Variants in NAALADL2 observed in about 807,000 individuals in gnomAD.
The protein encoded by NAALADL2 is inactive N-acetylated-alpha-linked acidic dipeptidase-like protein 2.
A neutral mutation model predicts 87.2 loss-of-function variants in NAALADL2; 76 were observed. That is an observed-to-expected ratio of 0.87 (90% CI 0.72 to 1.05). NAALADL2 has a LOEUF of 1.05. NAALADL2 is among the 50% of genes least tolerant of loss of function. NAALADL2 has a pLI of 0.00. For missense variants in NAALADL2, 1,089 were observed against 945.8 expected (o/e 1.15, Z -1.99); for synonymous variants, 354 against 331.0 (o/e 1.07, Z -0.75).
intron 3 of NAALADL2, among the ~76,000 whole-genome samples, chr3:175,241,888 A>C (rs1305455527): frequency 2.5e-5 from 1 of 40,260 alleles, no homozygotes; most frequent in African/African-American, 1.2e-4. Context: ...CTTGAGACAG[A>C]GTCTCACTCT....
intron 1 of NAALADL2, among the ~76,000 whole-genome samples, chr3:174,983,719 C>G (rs1173155337): frequency 2.6e-5 from 4 of 152,070 alleles, no homozygotes; most frequent in African/African-American, 7.2e-5. Context: ...GGCCCCGACT[C>G]CTAATACCAT....
intron 2 of NAALADL2, among the ~76,000 whole-genome samples, chr3:174,614,084 G>T (rs773764592): frequency 1.1e-4 from 16 of 152,170 alleles, no homozygotes; most frequent in African/African-American, 3.6e-4. Flanking sequence ...CTTCACTTTC[G>T]CTTTCCTCTC....
At chr3:175,217,309 G>A (rs1303466079) in intron 2 of NAALADL2, among the ~76,000 whole-genome samples, 1 of 152,168 alleles carries the variant, frequency 6.6e-6, no homozygotes, top group Non-Finnish European at 1.5e-5. Context: ...GCAACAGCAT[G>A]CGTTCATTTC....
At chr3:174,921,799 C>T (rs141761882) in intron 1 of NAALADL2, among the ~76,000 whole-genome samples, 2,061 of 116,072 alleles carry the variant, frequency 0.018, 75 homozygotes, top group African/African-American at 0.071. Context: ...AGCAAGACTC[C>T]GTCTCAAAAA....
chr3:174,736,999 G>A (rs1394793592), intron 2 of NAALADL2, among the ~76,000 whole-genome samples: 1 of 152,188 alleles, frequency 6.6e-6, no homozygotes, highest in East Asian at 1.9e-4. Context: ...GTTCAACTTT[G>A]CCCCATGATC....
intron 1 of NAALADL2, among the ~76,000 whole-genome samples, chr3:175,068,305 G>A (rs759557964): frequency 6.6e-6 from 1 of 151,946 alleles, no homozygotes; most frequent in Non-Finnish European, 1.5e-5. Flanking sequence ...ACTCCTCACA[G>A]GAATGGATGA....
chr3:175,050,919 T>G (rs1755300855), intron 1 of NAALADL2, among the ~76,000 whole-genome samples: 3 of 152,148 alleles, frequency 2.0e-5, no homozygotes, highest in Admixed American at 6.6e-5. Flanking sequence ...TAGGGTTGTT[T>G]TACTTGAAGA....
intron 9 of NAALADL2, among the ~76,000 whole-genome samples, chr3:175,512,376 C>G (rs1731282605): frequency 6.6e-6 from 1 of 152,030 alleles, no homozygotes; most frequent in Admixed American, 6.6e-5. Context: ...ATGATATCAC[C>G]AATTTAATAA....
At chr3:175,376,465 C>T (rs986233490) in intron 5 of NAALADL2, among the ~76,000 whole-genome samples, 3 of 151,890 alleles carry the variant, frequency 2.0e-5, no homozygotes, top group Non-Finnish European at 2.9e-5. Context: ...TTGTGGATTA[C>T]ATTGTTTCTG....
chr3:175,429,273 T>C (rs1351148049), intron 5 of NAALADL2, among the ~76,000 whole-genome samples: 1 of 151,784 alleles, frequency 6.6e-6, no homozygotes, highest in Non-Finnish European at 1.5e-5. Context: ...ATTTTTCAGA[T>C]ACGCCCTGGG....
At chr3:174,915,463 T>C (rs1734242444) in intron 1 of NAALADL2, among the ~76,000 whole-genome samples, 1 of 152,146 alleles carries the variant, frequency 6.6e-6, no homozygotes, top group Non-Finnish European at 1.5e-5. Flanking sequence ...GACAACTTCA[T>C]AGAACTATTA....
chr3:174,863,692 T>C (rs113924082), intron 1 of NAALADL2: 70 of 175,790 alleles, frequency 4.0e-4, no homozygotes, highest in African/African-American at 1.6e-3. Flanking sequence ...GTGTGCATGC[T>C]TACTTTCTGT....
At chr3:175,046,971 T>C (rs1754760411) in intron 1 of NAALADL2, among the ~76,000 whole-genome samples, 1 of 152,140 alleles carries the variant, frequency 6.6e-6, no homozygotes. Flanking sequence ...TGCCAGAAGA[T>C]TCAGTGTCTG....
chr3:174,632,296 T>C (rs1350678569), intron 2 of NAALADL2, among the ~76,000 whole-genome samples: 1 of 152,186 alleles, frequency 6.6e-6, no homozygotes, highest in Non-Finnish European at 1.5e-5. Context: ...TTGACCGTGC[T>C]CTATCCAGGC....
chr3:175,691,721 A>C (rs1225810074), intron 11 of NAALADL2, among the ~76,000 whole-genome samples: 1 of 152,104 alleles, frequency 6.6e-6, no homozygotes, highest in African/African-American at 2.4e-5. Context: ...TTAAAAATGG[A>C]ACTGCTTGTT....
At chr3:175,459,561 G>GA (rs1274738596) in intron 6 of NAALADL2, among the ~76,000 whole-genome samples, 34 of 149,492 alleles carry the variant, frequency 2.3e-4, no homozygotes, top group Admixed American at 4.0e-4. Context: ...AGAAAAAAAG[G>GA]AAAAAAAAAC....
intron 10 of NAALADL2, among the ~76,000 whole-genome samples, chr3:175,623,554 G>C (rs1473016506): frequency 6.6e-6 from 1 of 151,978 alleles, no homozygotes; most frequent in Non-Finnish European, 1.5e-5. Flanking sequence ...ATTAAATTAT[G>C]GATCTTGAGA....
At chr3:175,453,737 G>A (rs1261402822) in intron 6 of NAALADL2, among the ~76,000 whole-genome samples, 6 of 152,024 alleles carry the variant, frequency 3.9e-5, no homozygotes, top group Non-Finnish European at 7.4e-5. Context: ...ATGAATGTAC[G>A]CTGTGTAATT....
chr3:174,974,285 G>T (rs62286231), intron 1 of NAALADL2, among the ~76,000 whole-genome samples: 8,448 of 152,240 alleles, frequency 0.055, 246 homozygotes, highest in East Asian at 0.12. Flanking sequence ...GTGGTGTGCT[G>T]TAAGGAAAAC....
Sources: gnomAD v4.1 joint callset for allele counts (sites outside exome capture counted in the v4.1 genomes callset) on GRCh38, gnomAD v4.1.1 for gene constraint, MANE v1.5 for transcripts, NCBI Gene and HGNC (gene_info 2026-07-23, HGNC 2026-07-21) for gene names.